The following AKAP10 variants were observed in gnomAD, a reference collection of about 807,000 sequenced individuals.
AKAP10 encodes the protein A-kinase anchoring protein 10, also known as A-kinase anchor protein 10, mitochondrial.
Under a neutral mutation model 80.8 loss-of-function variants are expected in AKAP10, and 24 were observed. The observed-to-expected ratio is 0.30, with a 90% CI of 0.22 to 0.42. The LOEUF is 0.42. Among genes scored for constraint, AKAP10 ranks in the 10% least tolerant of loss-of-function variants. AKAP10 has a pLI of 1.00. For synonymous variants in AKAP10, 291 were observed against 277.7 expected, an observed-to-expected ratio of 1.05 and a Z score of -0.48; for missense variants, 661 against 794.9, an observed-to-expected ratio of 0.83 and a Z score of 2.03.
chr17:19,950,422 G>A (rs931035177), intron 4 of AKAP10, among the ~76,000 whole-genome samples: 19 of 152,190 alleles, frequency 1.2e-4, no homozygotes, highest in Non-Finnish European at 2.8e-4. Flanking sequence ...TGATTCTCCT[G>A]CCTCAGCCTG....
intron 1 of AKAP10, 128 bp from the exon 2 acceptor site, chr17:19,968,589 A>C: frequency 1.5e-6 from 1 of 670,134 alleles, no homozygotes; most frequent in Non-Finnish European, 2.5e-6. Flanking sequence ...ACAGCCTTGG[A>C]GGAGGGCACA....
chr17:19,949,185 A>G (rs1342505949), intron 4 of AKAP10, among the ~76,000 whole-genome samples: 1 of 152,128 alleles, frequency 6.6e-6, no homozygotes, highest in African/African-American at 2.4e-5. Context: ...AACAAATAAG[A>G]GTTTCAGGAG....
intron 10 of AKAP10, among the ~76,000 whole-genome samples, chr17:19,931,401 T>C (rs892967576): frequency 4.0e-5 from 6 of 151,588 alleles, no homozygotes; most frequent in African/African-American, 1.5e-4. Context: ...TCTTTTTTTT[T>C]TTTTTTTGAG....
chr17:19,928,078 G>A lies in AKAP10; in HGVS notation c.1642-3561C>T, dbSNP rs139985021. Among the ~76,000 whole-genome samples, 405 of 151,318 alleles carry A rather than the reference G, an allele frequency of 2.7e-3. 1 individual carries two copies. The highest frequency in any genetic ancestry group is 9.2e-3 in the African/African-American group (381 of 41,212). On this transcript the variant is annotated intron_variant, in intron 10 of 14. Coordinates refer to ENST00000225737, the MANE Select transcript of AKAP10 (RefSeq NM_007202.4). ...CTAGTAAAAATACAAAAATCAGCCC[G>A]GCATGCTGGCAGGTGCCTGAAATGT...
intron 1 of AKAP10, among the ~76,000 whole-genome samples, chr17:19,975,290 A>G (rs1479525441): frequency 6.6e-6 from 1 of 152,174 alleles, no homozygotes; most frequent in Non-Finnish European, 1.5e-5. Flanking sequence ...AAATACTGGG[A>G]TTACAGATAT....
intron 10 of AKAP10, among the ~76,000 whole-genome samples, chr17:19,931,100 G>C (rs922669886): frequency 1.1e-4 from 16 of 151,842 alleles, no homozygotes; most frequent in Admixed American, 2.0e-4. Flanking sequence ...TTTGAGCCCA[G>C]AATTTCCAGG....
intron 13 of AKAP10, 105 bp downstream of exon 13, chr17:19,909,821 T>C: frequency 5.3e-6 from 5 of 937,586 alleles, no homozygotes; most frequent in Non-Finnish European, 8.2e-6. Context: ...AAATGTGCCA[T>C]GCTGCTTAAA....
Position 19,977,622 on chromosome 17 carries a change from C to T in AKAP10, c.58G>A (p.Gly20Ser). ...QSPRTLRPDP[G>S]PAMSFFRRKV... ...CGCCGGAAGAAGGACATGGCGGGGC[C>T]CGGGTCGGGACGGAGGGTGCGGGGG... Residue 20 changes from glycine (G) to serine (S), a missense_variant, in exon 1 of 15, where the codon GGC becomes AGC. Gly to Ser is a moderately conservative substitution (Grantham distance 56). Coordinates refer to ENST00000225737, the MANE Select transcript of AKAP10 (RefSeq NM_007202.4). The T allele has an allele frequency of 8.1e-7, 1 of 1,235,236 alleles. No individual in the cohort carries two copies. The highest frequency in any genetic ancestry group is 1.5e-5 in the African/African-American group (1 of 64,598). The allele number at this position is 1,235,236 out of a possible 1,614,324, so 76.5% of individuals were successfully genotyped here.
chr17:19,929,561 T>A (rs895579892), intron 10 of AKAP10: 1 of 152,136 alleles, frequency 6.6e-6, no homozygotes. Flanking sequence ...GTTCTGCTTG[T>A]GAACATTCTT....
intron 10 of AKAP10, chr17:19,929,301 G>C (rs1410513264): frequency 1.3e-5 from 2 of 152,162 alleles, no homozygotes; most frequent in Non-Finnish European, 2.9e-5. Flanking sequence ...CTAACTCTGT[G>C]ACCATATAAA....
chr17:19,950,474 T>C (rs899951107), intron 4 of AKAP10, among the ~76,000 whole-genome samples: 7 of 152,196 alleles, frequency 4.6e-5, no homozygotes, highest in Admixed American at 1.3e-4. Context: ...CACACCTGAC[T>C]GGTTTTTGCA....
chr17:19,955,387 G>A (rs2043263928), intron 4 of AKAP10, among the ~76,000 whole-genome samples: 1 of 152,102 alleles, frequency 6.6e-6, no homozygotes, highest in African/African-American at 2.4e-5. Flanking sequence ...CTATGTATGT[G>A]TTAAAACTGA....
intron 12 of AKAP10, among the ~76,000 whole-genome samples, chr17:19,912,579 G>A (rs767420713): frequency 4.6e-5 from 7 of 152,032 alleles, no homozygotes; most frequent in Non-Finnish European, 1.0e-4. Flanking sequence ...TTAGCTGGGC[G>A]TGGTGACACG....
chr17:19,924,281 C>G, intron 11 of AKAP10, 127 bp downstream of exon 11: 1 of 617,144 alleles, frequency 1.6e-6, no homozygotes. Flanking sequence ...CATTATACTG[C>G]ACACTCTAAG....
chr17:19,965,778 T>G (rs1018450397), intron 2 of AKAP10, among the ~76,000 whole-genome samples: 2 of 152,202 alleles, frequency 1.3e-5, no homozygotes, highest in African/African-American at 4.8e-5. Context: ...AACTGAAGGC[T>G]ATGTTAAAAC....
In AKAP10 at chr17:19,968,470, T is replaced by C. The variant is rs2043451988; in HGVS notation, c.89-9A>G. 6.2e-7 allele frequency: 1 copy of C among 1,612,600 alleles called. No individual in the cohort carries two copies. The highest frequency in any genetic ancestry group is 8.5e-7 in the Non-Finnish European group (1 of 1,178,940). ...TTGTTCTTTGCCTTTCACTAGAACA[T>C]AAAAAGATAATTATGACCAACTTTT... is the stretch of plus-strand genomic sequence containing the variant. On this transcript the variant is annotated splice_polypyrimidine_tract_variant and intron_variant, in intron 1 of 14. Transcript: ENST00000225737.
At chr17:19,954,864 G>A (rs965105647) in intron 4 of AKAP10, among the ~76,000 whole-genome samples, 4 of 151,846 alleles carry the variant, frequency 2.6e-5, no homozygotes, top group Admixed American at 1.3e-4. Flanking sequence ...GGGCTCTTAG[G>A]TGTGACTCTG....
chr17:19,910,325 C>CAAAAAAAAAAAAAAAAAAAAAA (rs3031068), intron 12 of AKAP10, among the ~76,000 whole-genome samples: 2 of 90,666 alleles, frequency 2.2e-5, no homozygotes, highest in African/African-American at 4.2e-5. Flanking sequence ...GACTCCAACT[C>CAAAAAAAAAAAAAAAAAAAAAA]AAAAAAAAAA....
intron 4 of AKAP10, among the ~76,000 whole-genome samples, chr17:19,948,723 G>A (rs538203867): frequency 8.5e-4 from 129 of 152,200 alleles, no homozygotes; most frequent in African/African-American, 3.0e-3. Flanking sequence ...TGAAAACGTC[G>A]AGTTGTATGT....
Sources: allele counts gnomAD v4.1 joint callset (sites outside exome capture counted in the v4.1 genomes callset), GRCh38; gene constraint gnomAD v4.1.1; transcripts MANE v1.5; gene names NCBI Gene and HGNC (gene_info 2026-07-23, HGNC 2026-07-21).